The following SCUBE3 variants were observed in gnomAD, a reference collection of about 807,000 sequenced individuals.
SCUBE3 encodes the protein signal peptide, CUB and EGF-like domain-containing protein 3.
In SCUBE3, 33 loss-of-function variants were observed where a neutral mutation model predicts 116.8. The observed-to-expected ratio is 0.28, with a 90% confidence interval of 0.21 to 0.38. The LOEUF is 0.38. Ranked by LOEUF, SCUBE3 falls within the 10% of genes least tolerant of loss-of-function variation. The pLI, the probability that SCUBE3 is intolerant of heterozygous loss-of-function variation, is 1.00. For missense variants in SCUBE3, 1,007 were observed against 1,324.8 expected (o/e 0.76, Z 3.72); for synonymous variants, 418 against 496.9 (o/e 0.84, Z 2.11).
chr6:35,214,575 G>A lies in SCUBE3; in HGVS notation c.85+72G>A, dbSNP rs1245894263. The A allele has an allele frequency of 2.0e-6, 2 of 989,698 alleles. No homozygotes were observed. The highest frequency in any genetic ancestry group is 2.8e-6 in the Non-Finnish European group (2 of 722,056). 61.3% of individuals were successfully genotyped at this position (989,698 alleles called of 1,614,324 possible). A position where few individuals can be genotyped will look rare whatever the true frequency, so the allele number is the denominator to read the frequency against. On this transcript the variant is annotated intron_variant, in intron 1 of 21. Transcript: ENST00000274938. This position sits in a 1 kb window ranked among gnomAD's most constrained non-coding sequence, Gnocchi z 6.3. ...GCCTCAGGGCCTAGGAGCGATTCCC[G>A]AGGGGCAGGGCAGGTGCTGGGGAGC...
At position 35,243,329 on chromosome 6, in the gene SCUBE3, C is replaced by T; in HGVS notation, c.1909+93C>T. On this transcript the variant is annotated intron_variant, in intron 15 of 21. Transcript: ENST00000274938. The surrounding 1 kb of genome is among the most constrained non-coding windows in gnomAD (Gnocchi z 6.6). ...CCTTTGTGGCCTCAGATGCATTTCT[C>T]AAATTATGAGGCAGCCAGGATGCTC... The T allele has an allele frequency of 8.7e-7, 1 of 1,144,462 alleles. No individual in the cohort carries two copies. Among genetic ancestry groups the T allele is most frequent in the Non-Finnish European group, 1.3e-6 (1 of 784,456 alleles). 70.9% of individuals were successfully genotyped at this position (1,144,462 alleles called of 1,614,324 possible).
Position 35,243,527 on chromosome 6 carries a change from G to A in SCUBE3, c.1910-67G>A. 1.4e-6 allele frequency: 2 copies of A among 1,408,026 alleles called. No homozygotes were observed. The highest frequency in any genetic ancestry group is 1.9e-6 in the Non-Finnish European group (2 of 1,039,970). 87.2% of individuals were successfully genotyped at this position (1,408,026 alleles called of 1,614,324 possible). A position where few individuals can be genotyped will look rare whatever the true frequency, so the allele number is the denominator to read the frequency against. On this transcript the variant is annotated intron_variant, in intron 15 of 21. Transcript: ENST00000274938. This position sits in a 1 kb window ranked among gnomAD's most constrained non-coding sequence, Gnocchi z 6.6. ...GGGGGTTGTGGCGGGGAGTGGGAAGGGGAGTCCCAGGCCTGGGTGGTGGGA... is the reference window on the plus strand; with the variant it reads ...GGGGGTTGTGGCGGGGAGTGGGAAGAGGAGTCCCAGGCCTGGGTGGTGGGA...
At chr6:35,224,875 C>A (rs900900071) in intron 1 of SCUBE3, among the ~76,000 whole-genome samples, 3 of 152,120 alleles carry the variant, frequency 2.0e-5, no homozygotes, top group Non-Finnish European at 4.4e-5. Context: ...CAGGGAGTAT[C>A]TCTTATTCAG....
chr6:35,223,912 G>A (rs1783215291), intron 1 of SCUBE3: 1 of 152,178 alleles, frequency 6.6e-6, no homozygotes, highest in African/African-American at 2.4e-5. Context: ...AACATTGAAG[G>A]GACATCTTCC....
In SCUBE3 at chr6:35,233,298, A is replaced by G. The variant is rs764735939; in HGVS notation, c.709A>G (p.Ile237Val). The change falls in exon 6 of 22, where the codon ATC becomes GTC. Residue 237 changes from isoleucine to valine, a missense_variant. Ile to Val is a conservative substitution (Grantham distance 29). Around this residue, in one of 5 missense-constraint regions of SCUBE3, gnomAD observed 214 missense variants for 316.7 expected, o/e 0.68. Coordinates refer to ENST00000274938, the MANE Select transcript of SCUBE3 (RefSeq NM_152753.4). The surrounding 1 kb of genome is among the most constrained non-coding windows in gnomAD (Gnocchi z 5.7). ...FVLHTDGKTCIETCAVNNGGC... is the reference protein window; with the variant it reads ...FVLHTDGKTCVETCAVNNGGC... ...GCTCCATACCGACGGGAAGACATGC[A>G]TCGGTGGGTGAGGCCAGGGGAGAAC... 9.5e-5 allele frequency: 136 copies of G among 1,430,854 alleles called. No individual in the cohort carries two copies. The highest frequency in any genetic ancestry group is 1.3e-4 in the Non-Finnish European group (129 of 1,029,564). The allele number at this position is 1,430,854 out of a possible 1,614,324, so 88.6% of individuals were successfully genotyped here.
chr6:35,248,880 GTC>G lies in SCUBE3; in HGVS notation c.*183_*184del, dbSNP rs543930673. The G allele has an allele frequency of 1.3e-5, 8 of 605,596 alleles. No individual in the cohort carries two copies. Among genetic ancestry groups the G allele is most frequent in the Non-Finnish European group, 2.3e-5 (8 of 344,518 alleles). 37.5% of individuals were successfully genotyped at this position (605,596 alleles called of 1,614,324 possible). A position where few individuals can be genotyped will look rare whatever the true frequency, so the allele number is the denominator to read the frequency against. On this transcript the variant is annotated 3_prime_UTR_variant, in exon 22 of 22. Coordinates refer to ENST00000274938, the MANE Select transcript of SCUBE3 (RefSeq NM_152753.4). ...TCTGTCTTTCTAGTTTCCTTTCCTTGTCTCTCTCTGCCTGCCTCTCTACTGTT... is the reference window on the plus strand; with the variant it reads ...TCTGTCTTTCTAGTTTCCTTTCCTTGTCTCTCTGCCTGCCTCTCTACTGTT...
rs1371710156 is a variant in SCUBE3, at chr6:35,240,413, T to C, written c.992T>C (p.Ile331Thr). Residue 331 changes from isoleucine (I) to threonine (T), a missense_variant, in exon 9 of 22, where the codon ATA becomes ACA. Physicochemically the swap from Ile to Thr is moderately conservative, Grantham distance 89. Coordinates refer to ENST00000274938, the MANE Select transcript of SCUBE3 (RefSeq NM_152753.4). This position sits in a 1 kb window ranked among gnomAD's most constrained non-coding sequence, Gnocchi z 4.6. ...ECSFDRTCDH[I>T]CVNTPGSFQC... ...TCCTTTGATCGAACCTGTGACCACATATGTGTCAACACACCAGGAAGCTTC... is the reference window on the plus strand; with the variant it reads ...TCCTTTGATCGAACCTGTGACCACACATGTGTCAACACACCAGGAAGCTTC... The C allele has an allele frequency of 2.5e-6, 4 of 1,609,162 alleles. No individual in the cohort carries two copies. The highest frequency in any genetic ancestry group is 3.4e-6 in the Non-Finnish European group (4 of 1,177,466).
At chr6:35,225,192 C>T (rs1309571894) in intron 1 of SCUBE3, among the ~76,000 whole-genome samples, 1 of 152,210 alleles carries the variant, frequency 6.6e-6, no homozygotes, top group African/African-American at 2.4e-5. Context: ...CAAATTATCC[C>T]ATCAGCTACT....
Position 35,214,405 on chromosome 6 carries a change from C to A in SCUBE3, c.-14C>A. 1 of 1,431,372 alleles carries A rather than the reference C, an allele frequency of 7.0e-7. No individual in the cohort carries two copies. Among genetic ancestry groups the A allele is most frequent in the Non-Finnish European group, 9.2e-7 (1 of 1,089,950 alleles). The allele number at this position is 1,431,372 out of a possible 1,614,324, so 88.7% of individuals were successfully genotyped here. A position where few individuals can be genotyped will look rare whatever the true frequency, so the allele number is the denominator to read the frequency against. On this transcript the variant is annotated 5_prime_UTR_variant, in exon 1 of 22. Coordinates refer to ENST00000274938, the MANE Select transcript of SCUBE3 (RefSeq NM_152753.4). This position sits in a 1 kb window ranked among gnomAD's most constrained non-coding sequence, Gnocchi z 6.3. ...AGACCGGCCCCGGCGGCTGGGCCGC[C>A]AGTAGCTCCAGCCATGGGCTCGGGG...
rs758964040 is a variant in SCUBE3 at position 35,243,779 on chromosome 6, G to C, written c.2071+24G>C. The C allele has an allele frequency of 3.1e-6, 5 of 1,609,152 alleles. No homozygotes were observed. The highest frequency in any genetic ancestry group is 2.2e-5 in the East Asian group (1 of 44,752). Reference sequence around the variant, plus strand: ...AGGTGCCAGGGGAACAAACAATACAGAGTGGGGTAGGGTGGGCACTGGGAT... The same window carrying C: ...AGGTGCCAGGGGAACAAACAATACACAGTGGGGTAGGGTGGGCACTGGGAT... On this transcript the variant is annotated intron_variant, in intron 16 of 21. Transcript: ENST00000274938. The surrounding 1 kb of genome is among the most constrained non-coding windows in gnomAD (Gnocchi z 6.6).
At chr6:35,225,977 T>C (rs1460329960) in intron 1 of SCUBE3, among the ~76,000 whole-genome samples, 1 of 152,112 alleles carries the variant, frequency 6.6e-6, no homozygotes, top group Non-Finnish European at 1.5e-5. Flanking sequence ...CACAGGAGAG[T>C]AATGCCTCCC....
rs1387952510 is a variant in SCUBE3 at position 35,228,204 on chromosome 6, A to C, written c.209-410A>C. Among the ~76,000 whole-genome samples, 1 of 152,260 alleles carries C rather than the reference A, an allele frequency of 6.6e-6. No homozygotes were observed. Among genetic ancestry groups the C allele is most frequent in the Non-Finnish European group, 1.5e-5 (1 of 68,036 alleles). ...ACACTTGTTAATTCCTAGTTGCATTATAAATTGAAAAGTAATTTTGTAATA... is the reference window on the plus strand; with the variant it reads ...ACACTTGTTAATTCCTAGTTGCATTCTAAATTGAAAAGTAATTTTGTAATA... On this transcript the variant is annotated intron_variant, in intron 2 of 21. Coordinates refer to ENST00000274938, the MANE Select transcript of SCUBE3 (RefSeq NM_152753.4). This position sits in a 1 kb window ranked among gnomAD's most constrained non-coding sequence, Gnocchi z 4.9.
intron 1 of SCUBE3, among the ~76,000 whole-genome samples, chr6:35,226,830 TCTTC>T (rs1783348877): frequency 2.0e-5 from 3 of 152,136 alleles, no homozygotes; most frequent in Non-Finnish European, 4.4e-5. Context: ...GTGAGTGGCC[TCTTC>T]CTTCAAGTAT....
chr6:35,222,282 A>T (rs1165523590), intron 1 of SCUBE3: 1 of 152,184 alleles, frequency 6.6e-6, no homozygotes, highest in African/African-American at 2.4e-5. Context: ...TTTACTTGGG[A>T]ATCCCACTGC....
chr6:35,242,379 T>C, intron 13 of SCUBE3, 59 bp downstream of exon 13: 1 of 1,233,504 alleles, frequency 8.1e-7, no homozygotes, highest in Non-Finnish European at 1.2e-6. Context: ...TCCTTACCCC[T>C]CAGCTCCTCT....
In SCUBE3 at chr6:35,239,745, T is replaced by C. The variant is rs370112348; in HGVS notation, c.830-7T>C. ...ATCTTTTATCCTGTTTTGTCCTCCTTCTTCAGATATAGATGAGTGCCGCTT... is the reference window on the plus strand; with the variant it reads ...ATCTTTTATCCTGTTTTGTCCTCCTCCTTCAGATATAGATGAGTGCCGCTT... On this transcript the variant is annotated splice_polypyrimidine_tract_variant and splice_region_variant and intron_variant, in intron 7 of 21. Transcript: ENST00000274938. The surrounding 1 kb of genome is among the most constrained non-coding windows in gnomAD (Gnocchi z 4.1). The C allele has an allele frequency of 3.3e-5, 53 of 1,610,674 alleles. No individual in the cohort carries two copies. The highest frequency in any genetic ancestry group is 4.2e-5 in the Non-Finnish European group (49 of 1,178,720).
rs1378080960 is a variant in SCUBE3 at position 35,233,682 on chromosome 6, G to GT, written c.712+383dup. ...GCTTAGGCCTGACCAGAGGCCCTTGGTTGACTAGTGTGATAACAGAGGAAT... is the reference window on the plus strand; with the variant it reads ...GCTTAGGCCTGACCAGAGGCCCTTGGTTTGACTAGTGTGATAACAGAGGAAT... On this transcript the variant is annotated intron_variant, in intron 6 of 21. Transcript: ENST00000274938. This position sits in a 1 kb window ranked among gnomAD's most constrained non-coding sequence, Gnocchi z 5.7. Among the ~76,000 whole-genome samples the GT allele has an allele frequency of 2.6e-5, 4 of 152,190 alleles. No individual in the cohort carries two copies. Among genetic ancestry groups the GT allele is most frequent in the African/African-American group, 9.7e-5 (4 of 41,440 alleles).
In SCUBE3 at chr6:35,233,086, G is replaced by T; in HGVS notation, c.596-99G>T. 6.6e-7 allele frequency: 1 copy of T among 1,504,818 alleles called. No individual in the cohort carries two copies. The highest frequency in any genetic ancestry group is 1.7e-4 in the Middle Eastern group (1 of 5,732). The allele number at this position is 1,504,818 out of a possible 1,614,324, so 93.2% of individuals were successfully genotyped here. ...CAGGGCTGGGAGGAAAAGGGAGTATGGGGGAGGCAACTAGGCAAGGGGGCC... is the reference window on the plus strand; with the variant it reads ...CAGGGCTGGGAGGAAAAGGGAGTATTGGGGAGGCAACTAGGCAAGGGGGCC... On this transcript the variant is annotated intron_variant, in intron 5 of 21. Coordinates refer to ENST00000274938, the MANE Select transcript of SCUBE3 (RefSeq NM_152753.4). This position sits in a 1 kb window ranked among gnomAD's most constrained non-coding sequence, Gnocchi z 5.7.
rs1784260104 is a variant in SCUBE3 at position 35,244,829 on chromosome 6, C to T, written c.2401+18C>T. On this transcript the variant is annotated intron_variant, in intron 18 of 21. Transcript: ENST00000274938. This position sits in a 1 kb window ranked among gnomAD's most constrained non-coding sequence, Gnocchi z 4.3. The stretch of plus-strand genomic sequence containing the variant: ...ATGCAAGAGTACGTGGCAAGCCAGG[C>T]TGTGCAAAAGGGAGGAGAGAGGCCT... The T allele has an allele frequency of 6.2e-7, 1 of 1,613,014 alleles. No individual in the cohort carries two copies. Among genetic ancestry groups the T allele is most frequent in the African/African-American group, 1.3e-5 (1 of 74,894 alleles).
Sources: gnomAD v4.1 joint callset for allele counts (sites outside exome capture counted in the v4.1 genomes callset) on GRCh38, gnomAD v4.1.1 for gene constraint, gnomAD v4.1.1 regional missense constraint, Gnocchi (gnomAD v3.1) non-coding constraint, MANE v1.5 for transcripts, NCBI Gene and HGNC (gene_info 2026-07-23, HGNC 2026-07-21) for gene names.